Variants in ARB2A observed in about 807,000 individuals in gnomAD.
ARB2A encodes ARB2 cotranscriptional regulator A.
At chr5:94,026,583 T>C in the ARB2A span, among the ~76,000 whole-genome samples, 1 of 152,086 alleles carries the variant, frequency 6.6e-6, no homozygotes, top group Admixed American at 6.6e-5. Context: ...AAAGTACCAC[T>C]CAAAGGTGGG....
chr5:94,056,581 C>T, the ARB2A span, among the ~76,000 whole-genome samples: 45 of 152,160 alleles, frequency 3.0e-4, no homozygotes, highest in Non-Finnish European at 5.0e-4. Flanking sequence ...AGATATGACA[C>T]GACTGTTTTT....
chr5:93,640,223 G>T, the ARB2A span, among the ~76,000 whole-genome samples: 1 of 150,938 alleles, frequency 6.6e-6, no homozygotes, highest in African/African-American at 2.4e-5. Context: ...CTGAGGCAGG[G>T]GGATCACTTG....
At chr5:94,102,262 A>G in the ARB2A span, among the ~76,000 whole-genome samples, 2 of 152,224 alleles carry the variant, frequency 1.3e-5, no homozygotes, top group East Asian at 1.9e-4. Flanking sequence ...AACCCAATCC[A>G]AGGAATCTAA....
the ARB2A span, among the ~76,000 whole-genome samples, chr5:93,956,593 T>C: frequency 6.6e-6 from 1 of 151,898 alleles, no homozygotes; most frequent in Non-Finnish European, 1.5e-5. Context: ...TTCTAACTTC[T>C]GGAAAATTTT....
At chr5:93,904,160 T>G in the ARB2A span, among the ~76,000 whole-genome samples, 3 of 151,936 alleles carry the variant, frequency 2.0e-5, no homozygotes, top group Non-Finnish European at 1.5e-5. Flanking sequence ...TTGCTAAGCA[T>G]CACATTCATT....
chr5:93,716,649 G>GTCT, the ARB2A span, among the ~76,000 whole-genome samples: 2 of 121,356 alleles, frequency 1.6e-5, no homozygotes, highest in African/African-American at 6.4e-5. Flanking sequence ...TGGTTAGTTT[G>GTCT]TCTTGCCATA....
At chr5:93,725,895 G>C in the ARB2A span, among the ~76,000 whole-genome samples, 1 of 152,074 alleles carries the variant, frequency 6.6e-6, no homozygotes. Flanking sequence ...TAGGATATAG[G>C]TAGGTGGATA....
At chr5:93,949,737 A>C in the ARB2A span, among the ~76,000 whole-genome samples, 1 of 151,978 alleles carries the variant, frequency 6.6e-6, no homozygotes, top group Non-Finnish European at 1.5e-5. Flanking sequence ...ACAAGATCTT[A>C]CTCAGTCTAT....
the ARB2A span, among the ~76,000 whole-genome samples, chr5:93,955,838 T>C: frequency 6.6e-6 from 1 of 152,138 alleles, no homozygotes; most frequent in Non-Finnish European, 1.5e-5. Context: ...CTGGACCACG[T>C]CAACATCTGC....
chr5:93,886,749 A>T, the ARB2A span, among the ~76,000 whole-genome samples: 3 of 151,650 alleles, frequency 2.0e-5, no homozygotes, highest in Admixed American at 6.6e-5. Flanking sequence ...GTGACCTGGG[A>T]CTGAAACGCG....
the ARB2A span, among the ~76,000 whole-genome samples, chr5:93,971,569 AAAATAAATAAAT>A: frequency 3.2e-4 from 45 of 139,368 alleles, no homozygotes; most frequent in East Asian, 6.4e-4. Context: ...CTCCGTCTCA[AAAATAAATAAAT>A]AAATAAATAA....
chr5:94,064,371 T>C, the ARB2A span, among the ~76,000 whole-genome samples: 6,964 of 152,238 alleles, frequency 0.046, 367 homozygotes, highest in Admixed American at 0.15. Context: ...TATAAAATAC[T>C]TGAATTTGTG....
the ARB2A span, among the ~76,000 whole-genome samples, chr5:93,971,557 G>C: frequency 8.1e-6 from 1 of 123,136 alleles, no homozygotes; most frequent in South Asian, 2.7e-4. Flanking sequence ...ATGAGAACAA[G>C]ACTCCGTCTC....
the ARB2A span, among the ~76,000 whole-genome samples, chr5:93,763,583 C>T: frequency 1.3e-5 from 2 of 152,064 alleles, no homozygotes; most frequent in East Asian, 3.8e-4. Context: ...CTTAGACTCC[C>T]ACACAATAAT....
the ARB2A span, among the ~76,000 whole-genome samples, chr5:93,671,165 T>C: frequency 1.3e-5 from 2 of 152,322 alleles, no homozygotes; most frequent in African/African-American, 4.8e-5. Context: ...TTAAAAACTT[T>C]CCAGAATCTT....
At chr5:93,857,911 C>T in the ARB2A span, among the ~76,000 whole-genome samples, 1 of 152,148 alleles carries the variant, frequency 6.6e-6, no homozygotes, top group Non-Finnish European at 1.5e-5. Context: ...TGGAGCTGTT[C>T]CTATTCGGCC....
chr5:93,694,252 CTG>C, the ARB2A span, among the ~76,000 whole-genome samples: 1 of 152,184 alleles, frequency 6.6e-6, no homozygotes, highest in South Asian at 2.1e-4. Flanking sequence ...CAAATTGTCT[CTG>C]TTTGCAGATG....
chr5:93,694,116 T>C, the ARB2A span, among the ~76,000 whole-genome samples: 6 of 152,316 alleles, frequency 3.9e-5, no homozygotes, highest in East Asian at 1.2e-3. Context: ...GCATTCCCTT[T>C]GAAAACCGCC....
the ARB2A span, chr5:93,740,538 C>T: frequency 6.5e-7 from 1 of 1,540,164 alleles, no homozygotes; most frequent in South Asian, 1.3e-5. Flanking sequence ...CCTTCTTCTC[C>T]CCTCTCCAAC....
Sources: gnomAD v4.1 joint callset for allele counts (sites outside exome capture counted in the v4.1 genomes callset) on GRCh38, gnomAD v4.1.1 for gene constraint, MANE v1.5 for transcripts, NCBI Gene and HGNC (gene_info 2026-07-23, HGNC 2026-07-21) for gene names.